The following CNTN1 variants were observed in gnomAD, a reference collection of about 807,000 sequenced individuals.
The protein encoded by CNTN1 is contactin-1.
CNTN1 carries 38 observed loss-of-function variants against 126.4 expected under a neutral mutation model. The observed-to-expected ratio is 0.30, with a 90% CI of 0.23 to 0.39. CNTN1 has a LOEUF of 0.39. Ranked by LOEUF, CNTN1 falls within the 10% of genes least tolerant of loss-of-function variation. The pLI is 1.00. For synonymous variants in CNTN1, 413 were observed against 422.6 expected, an observed-to-expected ratio of 0.98 and a Z score of 0.28; for missense variants, 1,009 against 1,248.4, an observed-to-expected ratio of 0.81 and a Z score of 2.89.
rs1950137119 is a variant in CNTN1 at position 41,070,410 on chromosome 12, G to C, written c.*375G>C. The C allele has an allele frequency of 6.5e-6, 2 of 307,766 alleles. No homozygotes were observed. Among genetic ancestry groups the C allele is most frequent in the South Asian group, 6.3e-5 (2 of 31,614 alleles). 19.1% of individuals were successfully genotyped at this position (307,766 alleles called of 1,614,324 possible). On this transcript the variant is annotated 3_prime_UTR_variant, in exon 24 of 24. Transcript: ENST00000551295. ...ACAGGTGCTTTAAATTTAATAACAA[G>C]TTGTGAAATATAATAGAGATTGAAA...
At chr12:40,830,966 C>T (rs1296955852) in intron 1 of CNTN1, among the ~76,000 whole-genome samples, 4 of 140,404 alleles carry the variant, frequency 2.8e-5, no homozygotes, top group African/African-American at 1.0e-4. Context: ...TATATATACA[C>T]ACACACACAC....
At chr12:40,979,993 ATATT>A in intron 15 of CNTN1, among the ~76,000 whole-genome samples, 1 of 152,242 alleles carries the variant, frequency 6.6e-6, no homozygotes, top group Middle Eastern at 3.4e-3. Context: ...TATTTTCTAT[ATATT>A]ATATAAGTAG....
chr12:40,958,608 AG>A (rs1946984948), intron 14 of CNTN1, among the ~76,000 whole-genome samples: 1 of 152,058 alleles, frequency 6.6e-6, no homozygotes, highest in South Asian at 2.1e-4. Flanking sequence ...TTGGCAACAG[AG>A]TACATGTTAG....
rs200139062 is a variant in CNTN1, at chr12:40,936,819, G to A, written c.1024G>A (p.Val342Met). Residue 342 changes from valine to methionine, a missense_variant, in exon 10 of 24, where the codon GTG becomes ATG. Coordinates refer to ENST00000551295, the MANE Select transcript of CNTN1 (RefSeq NM_001843.4). Reference sequence around the variant, plus strand: ...GGTAGAACACATCAATGACACAGAGGTGGACATAGGCAGTGATCTCTACTG... The same window carrying A: ...GGTAGAACACATCAATGACACAGAGATGGACATAGGCAGTGATCTCTACTG... ...EWVEHINDTE[V>M]DIGSDLYWPC... 242 of 1,613,208 alleles carry A rather than the reference G, an allele frequency of 1.5e-4. No homozygotes were observed. Among genetic ancestry groups the A allele is most frequent in the Non-Finnish European group, 1.9e-4 (224 of 1,179,456 alleles).
chr12:40,837,579 G>A (rs1325893552), intron 1 of CNTN1, among the ~76,000 whole-genome samples: 1 of 152,190 alleles, frequency 6.6e-6, no homozygotes, highest in Non-Finnish European at 1.5e-5. Flanking sequence ...GACCTAAGTG[G>A]CTACAGCAAG....
intron 15 of CNTN1, chr12:40,971,769 T>G: frequency 8.2e-7 from 1 of 1,225,950 alleles, no homozygotes; most frequent in Non-Finnish European, 1.0e-6. Context: ...AAGTGAAAGT[T>G]TTGTGTTTTC....
At chr12:40,749,423 T>G (rs1938308606) in intron 1 of CNTN1, among the ~76,000 whole-genome samples, 1 of 152,110 alleles carries the variant, frequency 6.6e-6, no homozygotes, top group Admixed American at 6.6e-5. Context: ...TATTGTGATG[T>G]ATGTTAGTAC....
intron 1 of CNTN1, among the ~76,000 whole-genome samples, chr12:40,719,093 T>C (rs1011162787): frequency 6.6e-6 from 1 of 152,172 alleles, no homozygotes; most frequent in South Asian, 2.1e-4. Context: ...ACTGAACAAC[T>C]GAAGTTAATC....
chr12:40,819,478 T>C (rs1240880778), intron 1 of CNTN1, among the ~76,000 whole-genome samples: 1 of 152,132 alleles, frequency 6.6e-6, no homozygotes, highest in Admixed American at 6.5e-5. Flanking sequence ...CCACAGCAAG[T>C]GTGCTGTGCT....
intron 18 of CNTN1, among the ~76,000 whole-genome samples, chr12:41,016,455 G>A (rs1024352787): frequency 6.6e-6 from 1 of 152,190 alleles, no homozygotes; most frequent in Non-Finnish European, 1.5e-5. Flanking sequence ...AAGGCCCGGA[G>A]TGAGAGGCCC....
chr12:40,905,836 T>C (rs1448314918), intron 1 of CNTN1, among the ~76,000 whole-genome samples: 1 of 152,186 alleles, frequency 6.6e-6, no homozygotes, highest in Non-Finnish European at 1.5e-5. Flanking sequence ...CACATTTTTG[T>C]GACAAAGTTT....
At chr12:41,037,441 C>A (rs961058819) in intron 23 of CNTN1, among the ~76,000 whole-genome samples, 1 of 151,908 alleles carries the variant, frequency 6.6e-6, no homozygotes, top group Non-Finnish European at 1.5e-5. Flanking sequence ...GTATTCAGCA[C>A]AGTAATATGC....
chr12:40,897,563 T>C (rs1435249635), intron 1 of CNTN1, among the ~76,000 whole-genome samples: 1 of 152,230 alleles, frequency 6.6e-6, no homozygotes, highest in Non-Finnish European at 1.5e-5. Flanking sequence ...TACCAGTTTT[T>C]GTATAATATA....
chr12:41,042,235 T>A (rs1411084583), intron 23 of CNTN1, among the ~76,000 whole-genome samples: 2 of 152,088 alleles, frequency 1.3e-5, no homozygotes, highest in Admixed American at 6.6e-5. Context: ...TTTGAGTGGG[T>A]TTCTTAATCC....
intron 17 of CNTN1, among the ~76,000 whole-genome samples, chr12:41,003,522 A>C (rs962726559): frequency 4.0e-4 from 61 of 151,374 alleles, no homozygotes; most frequent in African/African-American, 1.4e-3. Context: ...CAGGAATGGT[A>C]CCAGCTCTTC....
At chr12:40,948,882 T>G (rs950529816) in intron 14 of CNTN1, among the ~76,000 whole-genome samples, 20 of 152,282 alleles carry the variant, frequency 1.3e-4, no homozygotes, top group African/African-American at 4.6e-4. Context: ...CAGTTTCAAG[T>G]GGTCTAACTA....
intron 1 of CNTN1, among the ~76,000 whole-genome samples, chr12:40,731,680 T>C (rs1050120758): frequency 2.0e-5 from 3 of 151,966 alleles, no homozygotes; most frequent in Non-Finnish European, 2.9e-5. Context: ...ATAATTTCAG[T>C]ATTCAACTGC....
At chr12:40,747,898 G>A (rs1484959362) in intron 1 of CNTN1, among the ~76,000 whole-genome samples, 8 of 152,148 alleles carry the variant, frequency 5.3e-5, no homozygotes, top group Non-Finnish European at 1.0e-4. Flanking sequence ...TCAGCAATCA[G>A]TAGTCTGAGT....
rs199626249 is a variant in CNTN1, at chr12:40,877,988, C to CTTT, written c.-76-30345_-76-30343dup. On this transcript the variant is annotated intron_variant, in intron 1 of 23. Coordinates refer to ENST00000551295, the MANE Select transcript of CNTN1 (RefSeq NM_001843.4). ...TCCCCACCAAAGAAACAGTTTTTTC[C>CTTT]TTTTTTTTTTTTTTTTTTTTTTTTT... Among the ~76,000 whole-genome samples, 80 of 109,342 alleles carry CTTT rather than the reference C, an allele frequency of 7.3e-4. 1 individual carries two copies. Among genetic ancestry groups the CTTT allele is most frequent in the Admixed American group, 6.3e-4 (6 of 9,494 alleles). The allele number at this position is 109,342 out of a possible 152,430, so 71.7% of individuals were successfully genotyped here. A position where few individuals can be genotyped will look rare whatever the true frequency, so the allele number is the denominator to read the frequency against.
Sources: allele counts gnomAD v4.1 joint callset (sites outside exome capture counted in the v4.1 genomes callset), GRCh38; gene constraint gnomAD v4.1.1; transcripts MANE v1.5; gene names NCBI Gene and HGNC (gene_info 2026-07-23, HGNC 2026-07-21).